The following RP1L1 variants were observed in gnomAD, a reference collection of about 807,000 sequenced individuals.
The protein encoded by RP1L1 is RP1 like 1, also known as retinitis pigmentosa 1-like 1 protein.
A neutral mutation model predicts 15.7 loss-of-function variants in RP1L1; 27 were observed. The ratio of observed to expected loss-of-function variants is 1.72; its 90% CI spans 1.27 to 2.38. RP1L1 has a LOEUF of 2.38. Among genes scored for constraint, RP1L1 ranks in the 30% most tolerant of loss-of-function variants. The pLI is 0.00. For missense variants in RP1L1, 4,798 were observed against 3,075.9 expected, an observed-to-expected ratio of 1.56 and a Z score of -13.24; for synonymous variants, 1,813 against 1,276.7, an observed-to-expected ratio of 1.42 and a Z score of -8.96.
Position 10,608,694 on chromosome 8 carries a change from C to A in RP1L1, c.5404G>T (p.Glu1802Ter). Residue 1802 changes from glutamate (E) to a stop codon, truncating the protein, a stop_gained, in exon 4 of 4, where the codon GAA becomes TAA. Coordinates refer to ENST00000382483, the MANE Select transcript of RP1L1 (RefSeq NM_178857.6). LOFTEE classifies it low-confidence loss of function (END_TRUNC). ...TGCCCAGAGCCTTGACCCCCAGTTT[C>A]TCCCCTTTCACTTATGCCCTCTCCC... ...QEGEGISERG[E>*]TGGQGSGHED... 6.2e-7 allele frequency: 1 copy of A among 1,614,230 alleles called. No individual in the cohort carries two copies. The highest frequency in any genetic ancestry group is 8.5e-7 in the Non-Finnish European group (1 of 1,180,038).
At chr8:10,613,936 G>A (rs1797923667) in intron 3 of RP1L1, among the ~76,000 whole-genome samples, 1 of 152,252 alleles carries the variant, frequency 6.6e-6, no homozygotes, top group Non-Finnish European at 1.5e-5. Context: ...TAGCTGCGTA[G>A]TTTTTGGCAG....
rs763727079 is a variant in RP1L1, at chr8:10,612,947, G to A, written c.1151C>T (p.Pro384Leu). 2 of 1,612,964 alleles carry A rather than the reference G, an allele frequency of 1.2e-6. No individual in the cohort carries two copies. The highest frequency in any genetic ancestry group is 1.3e-5 in the African/African-American group (1 of 74,934). ...WGFSEPGVWG[P>L]RPCRVGCREV... is the part of the protein sequence containing the mutation. ...CCTGCATCCCACCCTGCAGGGCCGG[G>A]GTCCCCACACCCCAGGCTCTGAGAA... is the stretch of plus-strand genomic sequence containing the variant. The change falls in exon 4 of 4, where the codon CCC (proline) becomes CTC (leucine). Residue 384 changes from proline (P) to leucine (L), a missense_variant. Physicochemically the swap from Pro to Leu is moderately conservative, Grantham distance 98 (BLOSUM62 -3). Coordinates refer to ENST00000382483, the MANE Select transcript of RP1L1 (RefSeq NM_178857.6).
chr8:10,637,675 C>G (rs905059366), intron 1 of RP1L1, among the ~76,000 whole-genome samples: 1 of 152,188 alleles, frequency 6.6e-6, no homozygotes, highest in African/African-American at 2.4e-5. Flanking sequence ...TTAAGTATAG[C>G]TCAGCTGAGT....
intron 1 of RP1L1, among the ~76,000 whole-genome samples, chr8:10,644,535 C>G (rs565026807): frequency 6.6e-6 from 1 of 152,346 alleles, no homozygotes; most frequent in Non-Finnish European, 1.5e-5. Context: ...CACAAGGTGA[C>G]GCTGGACAGA....
In RP1L1 at chr8:10,611,872, A is replaced by AG. The variant is rs779836304; in HGVS notation, c.2225dup (p.Ala743CysfsTer72). 6.2e-7 allele frequency: 1 copy of AG among 1,613,850 alleles called. No individual in the cohort carries two copies. The highest frequency in any genetic ancestry group is 2.2e-5 in the East Asian group (1 of 44,876). Reference sequence around the variant, plus strand: ...CAGAAACAAAATCCGAGTGGACTGCAGGGGTGACAGTGGCACTGCTGGTTC... The same window carrying AG: ...CAGAAACAAAATCCGAGTGGACTGCAGGGGGTGACAGTGGCACTGCTGGTTC... On this transcript the variant is annotated frameshift_variant, in exon 4 of 4. Coordinates refer to ENST00000382483, the MANE Select transcript of RP1L1 (RefSeq NM_178857.6). LOFTEE classifies it low-confidence loss of function (END_TRUNC).
chr8:10,610,249 C>T lies in RP1L1; in HGVS notation c.3849G>A (p.Gln1283=). 6.2e-7 allele frequency: 1 copy of T among 1,614,136 alleles called. No homozygotes were observed. Among genetic ancestry groups the T allele is most frequent in the Middle Eastern group, 1.7e-4 (1 of 6,060 alleles). The change falls in exon 4 of 4, where the codon CAG becomes CAA. Residue 1283 remains glutamine (Q), a synonymous_variant. Transcript: ENST00000382483. ...ACTGCTCCAGGTTCGAGCTCGCCCTCTGCTCCTCACTGTCTCTTTCTGCTT... is the reference window on the plus strand; with the variant it reads ...ACTGCTCCAGGTTCGAGCTCGCCCTTTGCTCCTCACTGTCTCTTTCTGCTT... The part of the protein sequence containing the change: ...EDEAERDSEE[Q]RASSNLEQLA...
chr8:10,651,750 C>T (rs895199576), intron 1 of RP1L1, among the ~76,000 whole-genome samples: 21 of 137,114 alleles, frequency 1.5e-4, no homozygotes, highest in African/African-American at 5.5e-4. Context: ...AGCGAGACTC[C>T]GTCTTAAAAA....
chr8:10,630,431 ACT>A (rs1225069224), intron 1 of RP1L1, among the ~76,000 whole-genome samples: 19 of 152,268 alleles, frequency 1.2e-4, no homozygotes, highest in African/African-American at 4.6e-4. Flanking sequence ...CAGAGATGTC[ACT>A]CTCAGCCAGC....
At chr8:10,636,415 C>T (rs1007583229) in intron 1 of RP1L1, among the ~76,000 whole-genome samples, 4 of 152,202 alleles carry the variant, frequency 2.6e-5, no homozygotes, top group Admixed American at 1.3e-4. Context: ...CCTCTCTGAG[C>T]CAGTCACCAT....
intron 1 of RP1L1, among the ~76,000 whole-genome samples, chr8:10,637,509 G>C (rs532791628): frequency 6.6e-6 from 1 of 152,316 alleles, no homozygotes; most frequent in South Asian, 2.1e-4. Context: ...TACTCTGGAG[G>C]CTGAGGCGGG....
chr8:10,612,950 C>G lies in RP1L1; in HGVS notation c.1148G>C (p.Gly383Ala), dbSNP rs745411602. 2 of 1,613,082 alleles carry G rather than the reference C, an allele frequency of 1.2e-6. No individual in the cohort carries two copies. Among genetic ancestry groups the G allele is most frequent in the African/African-American group, 2.7e-5 (2 of 75,064 alleles). Residue 383 changes from glycine to alanine, a missense_variant, in exon 4 of 4, where the codon GGA (glycine) becomes GCA (alanine). Coordinates refer to ENST00000382483, the MANE Select transcript of RP1L1 (RefSeq NM_178857.6). ...GCATCCCACCCTGCAGGGCCGGGGT[C>G]CCCACACCCCAGGCTCTGAGAAGCC... ...PWGFSEPGVWGPRPCRVGCRE... is the reference protein window; with the variant it reads ...PWGFSEPGVWAPRPCRVGCRE...
Position 10,613,180 on chromosome 8 carries a change from G to T in RP1L1, c.918C>A (p.Gly306=), listed in dbSNP as rs763538477. Residue 306 remains glycine (G), a synonymous_variant, in exon 4 of 4, where the codon GGC becomes GGA. Transcript: ENST00000382483. The stretch of plus-strand genomic sequence containing the variant: ...TGCGGACCTTCTTCTTCATGTCATC[G>T]CCAGCCACCAGCGGGCCCGACTGAG... ...TPAQSGPLVA[G]DDMKKKVRMN... is the part of the protein sequence containing the mutation. 6.2e-7 allele frequency: 1 copy of T among 1,613,602 alleles called. No individual in the cohort carries two copies. The highest frequency in any genetic ancestry group is 1.1e-5 in the South Asian group (1 of 91,086).
At chr8:10,648,516 T>C (rs1798513265) in intron 1 of RP1L1, among the ~76,000 whole-genome samples, 3 of 152,176 alleles carry the variant, frequency 2.0e-5, no homozygotes, top group Non-Finnish European at 1.5e-5. Flanking sequence ...GTAGTTGCAG[T>C]GTGTGTTCCA....
intron 1 of RP1L1, among the ~76,000 whole-genome samples, chr8:10,639,300 C>T (rs189477188): frequency 4.6e-5 from 7 of 152,240 alleles, no homozygotes; most frequent in African/African-American, 1.2e-4. Flanking sequence ...AGCCTACAAC[C>T]GAGGAATCTG....
intron 2 of RP1L1, 118 bp from the exon 3 acceptor site, chr8:10,616,705 C>G (rs1371585399): frequency 2.3e-5 from 27 of 1,184,580 alleles, no homozygotes; most frequent in Non-Finnish European, 3.1e-5. Flanking sequence ...CACATCTCAC[C>G]CCAGACTCCT....
At chr8:10,617,010 A>T (rs192127078) in intron 2 of RP1L1, among the ~76,000 whole-genome samples, 1 of 151,394 alleles carries the variant, frequency 6.6e-6, no homozygotes, top group Admixed American at 6.6e-5. Context: ...AATGAAGGAG[A>T]CTCTGTGCTG....
chr8:10,648,971 G>C (rs1798519814), intron 1 of RP1L1, among the ~76,000 whole-genome samples: 1 of 152,230 alleles, frequency 6.6e-6, no homozygotes, highest in South Asian at 2.1e-4. Context: ...TGCCCAGGCA[G>C]GAGGGGCCAG....
intron 1 of RP1L1, among the ~76,000 whole-genome samples, chr8:10,650,766 C>G (rs986172935): frequency 6.6e-6 from 1 of 152,012 alleles, no homozygotes; most frequent in Non-Finnish European, 1.5e-5. Flanking sequence ...ATGGTTTTGC[C>G]ATGTTGGCCA....
intron 1 of RP1L1, among the ~76,000 whole-genome samples, chr8:10,644,285 CA>C (rs35056017): frequency 0.22 from 28,531 of 132,358 alleles, 4,034 homozygotes; most frequent in African/African-American, 0.43. Flanking sequence ...ACCTTCTTCT[CA>C]AAAAAAAAAA....
Sources: gnomAD v4.1 joint callset for allele counts (sites outside exome capture counted in the v4.1 genomes callset) on GRCh38, gnomAD v4.1.1 for gene constraint, MANE v1.5 for transcripts, NCBI Gene and HGNC (gene_info 2026-07-23, HGNC 2026-07-21) for gene names.